The following KDM4C variants were observed in gnomAD, a reference collection of about 807,000 sequenced individuals.
The protein encoded by KDM4C is lysine-specific demethylase 4C.
Under a neutral mutation model 129.3 loss-of-function variants are expected in KDM4C, and 81 were observed. The ratio of observed to expected loss-of-function variants is 0.63; its 90% confidence interval spans 0.52 to 0.75. The LOEUF (loss-of-function observed/expected upper bound fraction) is 0.75. Ranked by LOEUF, KDM4C falls within the 30% of genes least tolerant of loss-of-function variation. The probability of loss-of-function intolerance (pLI) is 0.00; values close to 1 mark genes in which losing one functional copy is unlikely to be tolerated. For missense variants in KDM4C, 1,457 were observed against 1,304.0 expected (o/e 1.12, Z -1.81); for synonymous variants, 573 against 456.1 (o/e 1.26, Z -3.26).
chr9:6,958,687 A>ATTTTTTTTTTTTTTTTTTTTTTTTTT (rs377187050), intron 8 of KDM4C, among the ~76,000 whole-genome samples: 1 of 136,364 alleles, frequency 7.3e-6, no homozygotes, highest in Non-Finnish European at 1.5e-5. Flanking sequence ...TCTTTATATG[A>ATTTTTTTTTTTTTTTTTTTTTTTTTT]TTTTTTTTTT....
At chr9:7,038,980 G>A (rs981848971) in intron 15 of KDM4C, among the ~76,000 whole-genome samples, 5 of 151,804 alleles carry the variant, frequency 3.3e-5, no homozygotes, top group Admixed American at 1.3e-4. Flanking sequence ...TATGTATTGG[G>A]AGTATTTTTG....
chr9:6,919,034 G>C (rs1266263735), intron 8 of KDM4C, among the ~76,000 whole-genome samples: 1 of 152,068 alleles, frequency 6.6e-6, no homozygotes, highest in African/African-American at 2.4e-5. Context: ...GTAGTTTTTA[G>C]TAGAGATGGG....
intron 6 of KDM4C, among the ~76,000 whole-genome samples, chr9:6,884,804 C>T (rs930265784): frequency 5.9e-5 from 9 of 152,064 alleles, no homozygotes; most frequent in Non-Finnish European, 1.3e-4. Context: ...AATACTATAG[C>T]GTGTGTTTGT....
Position 7,137,947 on chromosome 9 carries a change from C to G in KDM4C, c.2781+9711C>G, listed in dbSNP as rs1841382371. 2.6e-5 allele frequency among the ~76,000 whole-genome samples: 4 copies of G among 152,342 alleles called. No homozygotes were observed. The South Asian group carries it at 8.3e-4, about 32-fold the overall frequency. On this transcript the variant is annotated intron_variant, in intron 19 of 21. Coordinates refer to ENST00000381309, the MANE Select transcript of KDM4C (RefSeq NM_015061.6). ...TAGATATATCCAGAAGAAGTCAGTA[C>G]TATCTACTTATTGATGAGCAACATT...
At position 6,820,647 on chromosome 9, in the gene KDM4C, A is replaced by G. The variant is rs1832859106; in HGVS notation, c.435+5902A>G. On this transcript the variant is annotated intron_variant, in intron 4 of 21. Coordinates refer to ENST00000381309, the MANE Select transcript of KDM4C (RefSeq NM_015061.6). Reference sequence around the variant, plus strand: ...TTTAAAGGACTAGATCAGAATAGTCATCCTCGACAGAAGAGGGAGAGGGCC... The same window carrying G: ...TTTAAAGGACTAGATCAGAATAGTCGTCCTCGACAGAAGAGGGAGAGGGCC... Among the ~76,000 whole-genome samples, 3 of 151,378 alleles carry G rather than the reference A, an allele frequency of 2.0e-5. No individual in the cohort carries two copies. The South Asian group carries it at 6.3e-4, about 32-fold the overall frequency.
At chr9:6,753,595 C>T (rs1482397140), upstream of KDM4C, among the ~76,000 whole-genome samples, 1 of 151,990 alleles carries the variant, frequency 6.6e-6, no homozygotes, top group Non-Finnish European at 1.5e-5. Flanking sequence ...TTATAATGAA[C>T]AGAAGTTTAT....
At chr9:6,746,264 T>TATATATATATG (rs1588058539) in intron 1 of KDM4C, among the ~76,000 whole-genome samples, 2 of 23,322 alleles carry the variant, frequency 8.6e-5, no homozygotes, top group Admixed American at 1.1e-3. Flanking sequence ...ATATATATGT[T>TATATATATATG]TTTTTTTTTT....
At chr9:6,905,460 A>G (rs1398063455) in intron 8 of KDM4C, among the ~76,000 whole-genome samples, 1 of 152,228 alleles carries the variant, frequency 6.6e-6, no homozygotes, top group Non-Finnish European at 1.5e-5. Flanking sequence ...CATAATTTTC[A>G]GAAAACATGG....
At chr9:6,815,679 G>C (rs900519049) in intron 4 of KDM4C, among the ~76,000 whole-genome samples, 1 of 152,120 alleles carries the variant, frequency 6.6e-6, no homozygotes, top group East Asian at 1.9e-4. Flanking sequence ...CATGACCTTT[G>C]AGCATCGTGT....
At chr9:6,945,680 A>G (rs1322937451) in intron 8 of KDM4C, among the ~76,000 whole-genome samples, 1 of 152,214 alleles carries the variant, frequency 6.6e-6, no homozygotes, top group South Asian at 2.1e-4. Flanking sequence ...AATATCATTT[A>G]AAACCAGGAT....
intron 1 of KDM4C, among the ~76,000 whole-genome samples, chr9:6,776,948 C>G (rs1823204646): frequency 6.6e-6 from 1 of 152,108 alleles, no homozygotes; most frequent in Non-Finnish European, 1.5e-5. Context: ...CATTTGTAGT[C>G]TTATCTTTTC....
At position 7,107,036 on chromosome 9, in the gene KDM4C, A is replaced by T. The variant is rs10115436; in HGVS notation, c.2610+3166A>T. The stretch of plus-strand genomic sequence containing the variant: ...TGTTATTTCAACCTAAATTTTTAGC[A>T]TGTGTTTGCCAGCGTTTTTGTTGAA... On this transcript the variant is annotated intron_variant, in intron 18 of 21. Coordinates refer to ENST00000381309, the MANE Select transcript of KDM4C (RefSeq NM_015061.6). Among the ~76,000 whole-genome samples, 316 of 152,214 alleles carry T rather than the reference A, an allele frequency of 2.1e-3. 1 individual carries two copies. The highest frequency in any genetic ancestry group is 7.3e-3 in the African/African-American group (304 of 41,528).
At position 6,905,252 on chromosome 9, in the gene KDM4C, G is replaced by A. The variant is rs56285846; in HGVS notation, c.921+12020G>A. Among the ~76,000 whole-genome samples, 6 of 152,204 alleles carry A rather than the reference G, an allele frequency of 3.9e-5. No individual in the cohort carries two copies. The South Asian group carries it at 1.0e-3, about 26-fold the overall frequency. On this transcript the variant is annotated intron_variant, in intron 8 of 21. Coordinates refer to ENST00000381309, the MANE Select transcript of KDM4C (RefSeq NM_015061.6). ...AGGGATACACATTGGAGGCCGTCTTGGCAGGAGATTGAGGGATAGATGAGG... is the reference window on the plus strand; with the variant it reads ...AGGGATACACATTGGAGGCCGTCTTAGCAGGAGATTGAGGGATAGATGAGG...
At chr9:6,998,363 C>T (rs751150657) in intron 12 of KDM4C, among the ~76,000 whole-genome samples, 3 of 152,134 alleles carry the variant, frequency 2.0e-5, no homozygotes, top group East Asian at 3.8e-4. Context: ...CCATCTAACC[C>T]AGGTTTTCTG....
chr9:7,004,718 C>G (rs981666128), intron 12 of KDM4C, among the ~76,000 whole-genome samples: 3 of 152,176 alleles, frequency 2.0e-5, no homozygotes, highest in African/African-American at 7.2e-5. Flanking sequence ...ATTTTCCCTA[C>G]AAGGCTAAAC....
chr9:7,082,681 C>CA (rs1181963905), intron 17 of KDM4C, among the ~76,000 whole-genome samples: 1 of 152,128 alleles, frequency 6.6e-6, no homozygotes, highest in Non-Finnish European at 1.5e-5. Flanking sequence ...ACTGTGTTGT[C>CA]ACGCGTGGCT....
chr9:6,897,195 C>G (rs1441640409), intron 8 of KDM4C, among the ~76,000 whole-genome samples: 1 of 152,200 alleles, frequency 6.6e-6, no homozygotes, highest in African/African-American at 2.4e-5. Flanking sequence ...CCTCATCTCT[C>G]AAACAGACTT....
intron 17 of KDM4C, among the ~76,000 whole-genome samples, chr9:7,101,248 AG>A (rs1837053049): frequency 6.6e-6 from 1 of 152,174 alleles, no homozygotes; most frequent in Admixed American, 6.5e-5. Context: ...AACATTCTTA[AG>A]TGCACATAGA....
intron 5 of KDM4C, among the ~76,000 whole-genome samples, chr9:6,860,168 A>T (rs1357652241): frequency 6.6e-6 from 1 of 152,130 alleles, no homozygotes; most frequent in East Asian, 1.9e-4. Context: ...CTAGATTCTA[A>T]TCTTGTGATA....
Sources: allele counts gnomAD v4.1 joint callset (sites outside exome capture counted in the v4.1 genomes callset), GRCh38; gene constraint gnomAD v4.1.1; transcripts MANE v1.5; gene names NCBI Gene and HGNC (gene_info 2026-07-23, HGNC 2026-07-21).